ALDH1L2: variants seen among roughly 807,000 people sequenced by gnomAD.
ALDH1L2 encodes the protein mitochondrial 10-formyltetrahydrofolate dehydrogenase.
ALDH1L2 carries 91 observed loss-of-function variants against 111.0 expected under a neutral mutation model. The observed-to-expected ratio is 0.82, with a 90% CI of 0.69 to 0.98. The LOEUF is 0.98. Ranked by LOEUF, ALDH1L2 falls within the 50% of genes least tolerant of loss-of-function variation. The pLI is 0.00. For synonymous variants in ALDH1L2, 374 were observed against 392.6 expected, an observed-to-expected ratio of 0.95 and a Z score of 0.56; for missense variants, 995 against 1,126.8, an observed-to-expected ratio of 0.88 and a Z score of 1.67.
intron 5 of ALDH1L2, among the ~76,000 whole-genome samples, chr12:105,065,751 C>T (rs1877316496): frequency 6.6e-6 from 1 of 150,868 alleles, no homozygotes; most frequent in Non-Finnish European, 1.5e-5. Context: ...TGTCTTAGCT[C>T]TCTGCTTTGT....
intron 6 of ALDH1L2, among the ~76,000 whole-genome samples, chr12:105,063,614 G>C (rs1009360325): frequency 2.6e-5 from 4 of 151,560 alleles, no homozygotes; most frequent in Middle Eastern, 3.4e-3. Flanking sequence ...TTGATACAAA[G>C]GTGAATGAGA....
intron 21 of ALDH1L2, among the ~76,000 whole-genome samples, chr12:105,026,974 A>T (rs1874445094): frequency 6.6e-6 from 1 of 152,296 alleles, no homozygotes; most frequent in Middle Eastern, 3.4e-3. Flanking sequence ...GACTCAAGTG[A>T]TCCTCCCACC....
At chr12:105,025,492 A>G (rs969747341) in intron 22 of ALDH1L2, among the ~76,000 whole-genome samples, 2 of 152,224 alleles carry the variant, frequency 1.3e-5, no homozygotes, top group African/African-American at 4.8e-5. Flanking sequence ...TCCCTAAGAA[A>G]GTCTCCTACA....
intron 18 of ALDH1L2, among the ~76,000 whole-genome samples, chr12:105,036,560 AT>A (rs1428597465): frequency 2.7e-4 from 13 of 48,934 alleles, no homozygotes; most frequent in East Asian, 1.5e-3. Flanking sequence ...ATATATATAT[AT>A]ATATAAAATG....
chr12:105,028,863 A>C (rs922781456), intron 21 of ALDH1L2, among the ~76,000 whole-genome samples: 1 of 152,170 alleles, frequency 6.6e-6, no homozygotes, highest in African/African-American at 2.4e-5. Context: ...TTGTTACCAA[A>C]CCATACTCTA....
chr12:105,065,545 G>GA (rs1877298244), intron 5 of ALDH1L2, among the ~76,000 whole-genome samples, 189 bp from the exon 6 acceptor site: 2 of 152,174 alleles, frequency 1.3e-5, no homozygotes, highest in Admixed American at 6.5e-5. Flanking sequence ...TTTATTAAAG[G>GA]AAAATAAAAA....
At chr12:105,067,165 G>C (rs368098576) in intron 4 of ALDH1L2, among the ~76,000 whole-genome samples, 1 of 143,254 alleles carries the variant, frequency 7.0e-6, no homozygotes, top group Non-Finnish European at 1.5e-5. Flanking sequence ...GCAGTGAGCC[G>C]AGATCACACC....
In ALDH1L2 at chr12:105,020,773, A is replaced by G. The variant is rs1209920500; in HGVS notation, c.*3651T>C. 6.6e-6 allele frequency: 1 copy of G among 152,256 alleles called. No homozygotes were observed. The highest frequency in any genetic ancestry group is 1.5e-5 in the Non-Finnish European group (1 of 68,068). The allele number at this position is 152,256 out of a possible 1,614,324, so 9.4% of individuals were successfully genotyped here. ...GAGCCAGCCAGCCATGAGGTTGTGT[A>G]TGGACAAGAGTTGCAGGAAGAGGCA... is the stretch of plus-strand genomic sequence containing the variant. On this transcript the variant is annotated 3_prime_UTR_variant, in exon 23 of 23. Transcript: ENST00000258494.
chr12:105,061,749 T>C lies in ALDH1L2; in HGVS notation c.925A>G (p.Thr309Ala), dbSNP rs771075371. The C allele has an allele frequency of 1.2e-6, 2 of 1,614,084 alleles. No individual in the cohort carries two copies. The highest frequency in any genetic ancestry group is 1.7e-6 in the Non-Finnish European group (2 of 1,180,016). Reference protein sequence around the residue: ...VLFGNDGKALTVRNLQFEDGK... With the variant: ...VLFGNDGKALAVRNLQFEDGK... ...TCTTCAAACTGCAGATTTCTCACCG[T>C]CAGCTACAAAATAGCAACAAAACAA... The change falls in exon 8 of 23, where the codon ACG (threonine) becomes GCG (alanine). Residue 309 changes from threonine (T) to alanine (A), a missense_variant. Physicochemically the swap from Thr to Ala is moderately conservative, Grantham distance 58 (BLOSUM62 0). Coordinates refer to ENST00000258494, the MANE Select transcript of ALDH1L2 (RefSeq NM_001034173.4).
At chr12:105,036,418 ATT>A (rs1875095266) in intron 18 of ALDH1L2, among the ~76,000 whole-genome samples, 1 of 65,422 alleles carries the variant, frequency 1.5e-5, no homozygotes, top group Non-Finnish European at 2.7e-5. Flanking sequence ...ATATACGTAT[ATT>A]TATATATGTG....
intron 9 of ALDH1L2, chr12:105,060,293 G>A (rs1031443503): frequency 6.6e-6 from 1 of 152,134 alleles, no homozygotes; most frequent in African/African-American, 2.4e-5. Context: ...TTCTGGATCA[G>A]GCTGCGTAGG....
chr12:105,049,109 G>C (rs932104173), intron 13 of ALDH1L2, among the ~76,000 whole-genome samples: 1 of 151,962 alleles, frequency 6.6e-6, no homozygotes, highest in African/African-American at 2.4e-5. Flanking sequence ...CTTATACTCA[G>C]TCTGCTTCCA....
chr12:105,068,953 T>C, intron 3 of ALDH1L2, 69 bp from the exon 4 acceptor site: 1 of 1,287,374 alleles, frequency 7.8e-7, no homozygotes, highest in Non-Finnish European at 1.0e-6. Context: ...TTAGTGATAT[T>C]AAAGTATAAG....
At chr12:105,041,566 AT>A (rs1875537176) in intron 15 of ALDH1L2, among the ~76,000 whole-genome samples, 1 of 152,198 alleles carries the variant, frequency 6.6e-6, no homozygotes, top group African/African-American at 2.4e-5. Context: ...TACTCCTCAA[AT>A]TTTTATCCAC....
rs1874151531 is a variant in ALDH1L2 at position 105,021,385 on chromosome 12, G to T, written c.*3039C>A. 6.6e-6 allele frequency: 1 copy of T among 152,432 alleles called. No individual in the cohort carries two copies. The highest frequency in any genetic ancestry group is 2.1e-4 in the South Asian group (1 of 4,818). The allele number at this position is 152,432 out of a possible 1,614,324, so 9.4% of individuals were successfully genotyped here. On this transcript the variant is annotated 3_prime_UTR_variant, in exon 23 of 23. Coordinates refer to ENST00000258494, the MANE Select transcript of ALDH1L2 (RefSeq NM_001034173.4). ...GGCGGAGGCAGGTGGATCACTTGAG[G>T]TCAGGAGTTCAAGACCAGCCTGGCC...
In ALDH1L2 at chr12:105,030,383, C is replaced by T; in HGVS notation, c.2457G>A (p.Met819Ile). The stretch of plus-strand genomic sequence containing the variant: ...CAAAGGATTCCTCTTTGGCGAGGTA[C>T]ATGTAGTCTTCCACATCTGTGAACA... ...PTVFTDVEDY[M>I]YLAKEESFGP... is the part of the protein sequence containing the mutation. Residue 819 changes from methionine (M) to isoleucine (I), a missense_variant, in exon 21 of 23, where the codon ATG becomes ATA. Physicochemically the swap from Met to Ile is conservative, Grantham distance 10 (BLOSUM62 1). Coordinates refer to ENST00000258494, the MANE Select transcript of ALDH1L2 (RefSeq NM_001034173.4). 6.2e-7 allele frequency: 1 copy of T among 1,613,416 alleles called. No homozygotes were observed. Among genetic ancestry groups the T allele is most frequent in the Non-Finnish European group, 8.5e-7 (1 of 1,179,592 alleles).
chr12:105,054,633 C>G (rs1419341740), intron 10 of ALDH1L2, among the ~76,000 whole-genome samples: 1 of 152,192 alleles, frequency 6.6e-6, no homozygotes, highest in Non-Finnish European at 1.5e-5. Flanking sequence ...AGAACTGTTA[C>G]TATTTGGCCT....
intron 15 of ALDH1L2, among the ~76,000 whole-genome samples, chr12:105,046,155 C>CAA (rs1875835971): frequency 5.1e-5 from 1 of 19,512 alleles, no homozygotes; most frequent in Non-Finnish European, 8.0e-5. Context: ...CATCTTCTCT[C>CAA]TCTCTCTCTC....
chr12:105,062,813 G>A, intron 7 of ALDH1L2, 75 bp downstream of exon 7: 1 of 1,532,740 alleles, frequency 6.5e-7, no homozygotes, highest in Non-Finnish European at 8.7e-7. Flanking sequence ...TGGAGTGAAA[G>A]CTATTCCCTT....
Sources: gnomAD v4.1 joint callset for allele counts (sites outside exome capture counted in the v4.1 genomes callset) on GRCh38, gnomAD v4.1.1 for gene constraint, MANE v1.5 for transcripts, NCBI Gene and HGNC (gene_info 2026-07-23, HGNC 2026-07-21) for gene names.